USP47: variants seen among roughly 807,000 people sequenced by gnomAD.
USP47 encodes ubiquitin carboxyl-terminal hydrolase 47.
USP47 carries 35 observed loss-of-function variants against 165.1 expected under a neutral mutation model. The ratio of observed to expected loss-of-function variants is 0.21; its 90% confidence interval spans 0.16 to 0.28. The LOEUF (loss-of-function observed/expected upper bound fraction) is 0.28. USP47 is among the 10% of genes least tolerant of loss of function. The pLI is 1.00. For missense variants in USP47, 1,277 were observed against 1,607.4 expected, an observed-to-expected ratio of 0.79 and a Z score of 3.52; for synonymous variants, 531 against 544.5, an observed-to-expected ratio of 0.98 and a Z score of 0.35.
In USP47 at chr11:11,948,131, A is replaced by G. The variant is rs1193004055; in HGVS notation, c.3267+11A>G. 4 of 1,598,840 alleles carry G rather than the reference A, an allele frequency of 2.5e-6. No homozygotes were observed. The highest frequency in any genetic ancestry group is 3.4e-6 in the Non-Finnish European group (4 of 1,174,924). ...TCTGATGACAATAAGGTTGATTAAA[A>G]TAATCTTCGAGTAGTTAGAGTCTAT... On this transcript the variant is annotated intron_variant, in intron 21 of 27. Coordinates refer to ENST00000527733, the MANE Select transcript of USP47 (RefSeq NM_001282659.2).
intron 1 of USP47, chr11:11,873,664 AGAT>A (rs1850215414): frequency 5.0e-6 from 2 of 397,392 alleles, no homozygotes; most frequent in Non-Finnish European, 8.6e-6. Context: ...ATAAAATTCT[AGAT>A]GATGTACTAA....
chr11:11,939,312 G>A (rs996914678), intron 18 of USP47, among the ~76,000 whole-genome samples: 2 of 151,964 alleles, frequency 1.3e-5, no homozygotes, highest in Admixed American at 6.6e-5. Flanking sequence ...CCAGTTTTCA[G>A]TCATTCATCT....
intron 11 of USP47, 138 bp from the exon 12 acceptor site, chr11:11,929,296 C>T (rs914150128): frequency 2.5e-6 from 3 of 1,214,986 alleles, no homozygotes; most frequent in Admixed American, 3.0e-5. Flanking sequence ...TTTTGTTTTA[C>T]CTTAGGGGAA....
intron 18 of USP47, among the ~76,000 whole-genome samples, chr11:11,939,221 C>T (rs183467745): frequency 9.2e-5 from 14 of 152,042 alleles, no homozygotes; most frequent in South Asian, 2.1e-4. Context: ...AGCATACAAA[C>T]GGCAGATTTT....
chr11:11,941,579 C>T (rs1855475758), intron 19 of USP47, among the ~76,000 whole-genome samples: 4 of 152,036 alleles, frequency 2.6e-5, no homozygotes, highest in Admixed American at 2.6e-4. Flanking sequence ...CATCTCTCAG[C>T]TTCCACAGTG....
intron 1 of USP47, among the ~76,000 whole-genome samples, chr11:11,858,552 T>C (rs546227228): frequency 6.6e-6 from 1 of 152,342 alleles, no homozygotes; most frequent in South Asian, 2.1e-4. Context: ...AAAAGTTCTC[T>C]GTCGTCTCTT....
chr11:11,865,232 G>C (rs958281880), intron 1 of USP47, among the ~76,000 whole-genome samples: 1 of 152,080 alleles, frequency 6.6e-6, no homozygotes, highest in African/African-American at 2.4e-5. Flanking sequence ...TTATTTCTTT[G>C]AGTACTTTTT....
chr11:11,874,347 T>A (rs1157036583), intron 1 of USP47, among the ~76,000 whole-genome samples: 1 of 152,174 alleles, frequency 6.6e-6, no homozygotes, highest in Non-Finnish European at 1.5e-5. Context: ...CCAGAGTTGC[T>A]CCTTTAATCT....
At chr11:11,904,109 A>G (rs1434464105) in intron 7 of USP47, among the ~76,000 whole-genome samples, 1 of 152,184 alleles carries the variant, frequency 6.6e-6, no homozygotes, top group Non-Finnish European at 1.5e-5. Context: ...GCATAAGAGA[A>G]CATCACATAA....
intron 1 of USP47, among the ~76,000 whole-genome samples, chr11:11,877,747 G>A (rs1850528107): frequency 2.0e-5 from 3 of 150,870 alleles, no homozygotes; most frequent in Admixed American, 2.0e-4. Flanking sequence ...TTGTGATTAT[G>A]TAGCATGCAT....
At chr11:11,918,482 G>T (rs1379907187) in intron 8 of USP47, among the ~76,000 whole-genome samples, 2 of 152,012 alleles carry the variant, frequency 1.3e-5, no homozygotes, top group Non-Finnish European at 2.9e-5. Flanking sequence ...TACTGTTTGT[G>T]TAAGAATATC....
At chr11:11,871,557 A>C (rs1850065151) in intron 1 of USP47, among the ~76,000 whole-genome samples, 6 of 143,612 alleles carry the variant, frequency 4.2e-5, no homozygotes, top group East Asian at 2.1e-4. Context: ...GTTGGTGGGA[A>C]CCTAAGTGAG....
At chr11:11,925,645 T>TA (rs397729331) in intron 11 of USP47, among the ~76,000 whole-genome samples, 11 of 152,052 alleles carry the variant, frequency 7.2e-5, no homozygotes, top group African/African-American at 4.8e-5. Flanking sequence ...TTTTTTTTTT[T>TA]ATGCGGAATC....
chr11:11,891,014 G>T (rs1302814901), intron 3 of USP47, among the ~76,000 whole-genome samples: 1 of 151,928 alleles, frequency 6.6e-6, no homozygotes, highest in Admixed American at 6.6e-5. Flanking sequence ...TGTTGTGAGG[G>T]AGAGCATTAG....
At chr11:11,911,770 C>G (rs746932942) in intron 8 of USP47, among the ~76,000 whole-genome samples, 8 of 152,074 alleles carry the variant, frequency 5.3e-5, no homozygotes, top group Non-Finnish European at 1.0e-4. Context: ...ATGAACATTG[C>G]TAAAGTGCTT....
chr11:11,956,497 T>A lies in USP47; in HGVS notation c.*322T>A, dbSNP rs1856569448. ...AAACTTCTTTTATTGCGGACAAATG[T>A]GCACATAGCCGCTAGTAAAACTAGC... On this transcript the variant is annotated 3_prime_UTR_variant, in exon 28 of 28. Coordinates refer to ENST00000527733, the MANE Select transcript of USP47 (RefSeq NM_001282659.2). The A allele has an allele frequency of 9.9e-6, 2 of 201,662 alleles. No individual in the cohort carries two copies. Among genetic ancestry groups the A allele is most frequent in the South Asian group, 2.6e-4 (2 of 7,638 alleles). 12.5% of individuals were successfully genotyped at this position (201,662 alleles called of 1,614,324 possible).
At chr11:11,916,825 A>G (rs1853454969) in intron 8 of USP47, among the ~76,000 whole-genome samples, 1 of 152,148 alleles carries the variant, frequency 6.6e-6, no homozygotes, top group African/African-American at 2.4e-5. Context: ...CTGGAATGAT[A>G]AACTCTGAGA....
intron 1 of USP47, among the ~76,000 whole-genome samples, chr11:11,870,836 C>T (rs1849991479): frequency 1.3e-5 from 2 of 152,152 alleles, no homozygotes; most frequent in South Asian, 2.1e-4. Context: ...CATTCATCTA[C>T]ATCAGTGCTT....
Position 11,948,140 on chromosome 11 carries a change from G to A in USP47, c.3267+20G>A, listed in dbSNP as rs771655573. The A allele has an allele frequency of 5.7e-6, 9 of 1,590,878 alleles. No individual in the cohort carries two copies. The highest frequency in any genetic ancestry group is 7.7e-6 in the Non-Finnish European group (9 of 1,170,778). ...AATAAGGTTGATTAAAATAATCTTCGAGTAGTTAGAGTCTATTTTAAATGA... is the reference window on the plus strand; with the variant it reads ...AATAAGGTTGATTAAAATAATCTTCAAGTAGTTAGAGTCTATTTTAAATGA... On this transcript the variant is annotated intron_variant, in intron 21 of 27. Coordinates refer to ENST00000527733, the MANE Select transcript of USP47 (RefSeq NM_001282659.2).
Sources: gnomAD v4.1 joint callset for allele counts (sites outside exome capture counted in the v4.1 genomes callset) on GRCh38, gnomAD v4.1.1 for gene constraint, MANE v1.5 for transcripts, NCBI Gene and HGNC (gene_info 2026-07-23, HGNC 2026-07-21) for gene names.